CLVS1: variants seen among roughly 807,000 people sequenced by gnomAD.
The protein encoded by CLVS1 is clavesin-1.
In CLVS1, 10 loss-of-function variants were observed where a neutral mutation model predicts 33.1. The ratio of observed to expected loss-of-function variants is 0.30; its 90% confidence interval spans 0.19 to 0.51. The LOEUF (loss-of-function observed/expected upper bound fraction) is 0.51, where lower values mean the gene tolerates loss of function less well. Ranked by LOEUF, CLVS1 falls within the 20% of genes least tolerant of loss-of-function variation. The pLI is 0.97. For synonymous variants in CLVS1, 163 were observed against 166.1 expected (o/e 0.98, Z 0.14); for missense variants, 343 against 433.4 (o/e 0.79, Z 1.85).
At chr8:61,089,088 A>T (rs113405114) in intron 1 of CLVS1, among the ~76,000 whole-genome samples, 2 of 152,136 alleles carry the variant, frequency 1.3e-5, no homozygotes, top group African/African-American at 4.8e-5. Context: ...GGTGTGAGCC[A>T]CCGGGCCCGG....
chr8:60,978,442 TG>T, the CLVS1 span, among the ~76,000 whole-genome samples: 1 of 152,204 alleles, frequency 6.6e-6, no homozygotes, highest in African/African-American at 2.4e-5. Context: ...TGTATATTAT[TG>T]AAATTAAGTT....
chr8:61,054,823 G>A (rs568615879), upstream of CLVS1, among the ~76,000 whole-genome samples: 7 of 152,194 alleles, frequency 4.6e-5, no homozygotes, highest in African/African-American at 1.2e-4. Flanking sequence ...CCTGCACACC[G>A]ATAAGGATAA....
intron 3 of CLVS1, among the ~76,000 whole-genome samples, chr8:61,423,595 G>T: frequency 6.6e-6 from 1 of 152,196 alleles, no homozygotes; most frequent in East Asian, 1.9e-4. Context: ...GCCTGGTAAT[G>T]AAGAGCGCCC....
intron 2 of CLVS1, among the ~76,000 whole-genome samples, chr8:61,184,961 A>C (rs77161781): frequency 0.077 from 11,682 of 152,154 alleles, 595 homozygotes; most frequent in African/African-American, 0.15. Context: ...TACTACCTAC[A>C]ATATTTTCGT....
intron 2 of CLVS1, among the ~76,000 whole-genome samples, chr8:61,326,451 G>A (rs879477909): frequency 2.6e-5 from 4 of 152,170 alleles, no homozygotes; most frequent in Non-Finnish European, 4.4e-5. Flanking sequence ...AGTGGCCACA[G>A]AGTTCCAAGA....
chr8:60,967,307 T>C, the CLVS1 span, among the ~76,000 whole-genome samples: 1 of 152,124 alleles, frequency 6.6e-6, no homozygotes. Flanking sequence ...CCAAACTGTG[T>C]AAGACATACA....
At chr8:61,234,259 G>C (rs11783318) in intron 2 of CLVS1, among the ~76,000 whole-genome samples, 1 of 152,090 alleles carries the variant, frequency 6.6e-6, no homozygotes, top group Non-Finnish European at 1.5e-5. Context: ...GACTGTGTGC[G>C]TGCGTATTCA....
At chr8:61,314,589 T>G (rs1041554401) in intron 2 of CLVS1, among the ~76,000 whole-genome samples, 1 of 152,208 alleles carries the variant, frequency 6.6e-6, no homozygotes, top group Admixed American at 6.5e-5. Flanking sequence ...CTCTCTTCCC[T>G]TGTTGAATTA....
chr8:61,478,157 T>C (rs1382477980), intron 5 of CLVS1, among the ~76,000 whole-genome samples: 1 of 152,216 alleles, frequency 6.6e-6, no homozygotes, highest in Non-Finnish European at 1.5e-5. Flanking sequence ...TGAGTTCTAG[T>C]TTGATTGCAC....
intron 1 of CLVS1, among the ~76,000 whole-genome samples, chr8:61,125,650 G>A (rs1437641762): frequency 6.6e-6 from 1 of 152,164 alleles, no homozygotes; most frequent in African/African-American, 2.4e-5. Flanking sequence ...TTCAACTATT[G>A]TTTAAATTCA....
chr8:61,362,775 C>A (rs1296108267), intron 2 of CLVS1, among the ~76,000 whole-genome samples: 1 of 152,166 alleles, frequency 6.6e-6, no homozygotes, highest in African/African-American at 2.4e-5. Flanking sequence ...CTGGAAGAAC[C>A]AGCCTCCATC....
chr8:61,166,983 TA>T lies in CLVS1; in HGVS notation c.-152+35124del, dbSNP rs374092724. Among the ~76,000 whole-genome samples the T allele has an allele frequency of 3.4e-4, 51 of 150,912 alleles. 2 individuals are homozygous for T. In the East Asian group the frequency reaches 7.5e-3, roughly 22 times the overall value. On this transcript the variant is annotated intron_variant, in intron 2 of 2. Transcript: ENST00000522621. ...ACACCATTTTTTAAATTAATAAATT[TA>T]TTAATTTATTTTAATTTAATCAATA...
chr8:60,978,569 C>T, the CLVS1 span, among the ~76,000 whole-genome samples: 1 of 152,000 alleles, frequency 6.6e-6, no homozygotes, highest in Non-Finnish European at 1.5e-5. Context: ...AATCCCAGCA[C>T]TTTGGAAGGC....
intron 2 of CLVS1, among the ~76,000 whole-genome samples, chr8:61,361,581 A>T (rs1297833777): frequency 6.6e-6 from 1 of 152,178 alleles, no homozygotes; most frequent in Non-Finnish European, 1.5e-5. Context: ...AGTCTTCCCC[A>T]TAGCCCATCT....
chr8:61,032,996 A>AAGGAAGGAAG, the CLVS1 span, among the ~76,000 whole-genome samples: 5 of 51,510 alleles, frequency 9.7e-5, no homozygotes, highest in East Asian at 2.9e-3. Flanking sequence ...AAGGAAGGAA[A>AAGGAAGGAAG]GAAAGAAAGA....
the CLVS1 span, among the ~76,000 whole-genome samples, chr8:60,995,146 A>G: frequency 5.3e-5 from 8 of 152,232 alleles, no homozygotes; most frequent in African/African-American, 1.9e-4. Context: ...GCAACAAAAG[A>G]CAAAATTGAC....
At chr8:61,172,152 T>C (rs532563489) in intron 2 of CLVS1, among the ~76,000 whole-genome samples, 1 of 152,322 alleles carries the variant, frequency 6.6e-6, no homozygotes, top group African/African-American at 2.4e-5. Context: ...TATATTGTTG[T>C]TTCGTTAACC....
chr8:61,367,144 G>A (rs1428333347), intron 2 of CLVS1, among the ~76,000 whole-genome samples: 1 of 151,972 alleles, frequency 6.6e-6, no homozygotes, highest in African/African-American at 2.4e-5. Context: ...TCCCTTTAAT[G>A]GAGCTGCTCG....
At chr8:61,170,713 A>G (rs897663426) in intron 2 of CLVS1, among the ~76,000 whole-genome samples, 1 of 152,226 alleles carries the variant, frequency 6.6e-6, no homozygotes, top group Non-Finnish European at 1.5e-5. Context: ...TGAGAACCTC[A>G]TGGCATAATC....
Sources: allele counts gnomAD v4.1 joint callset (sites outside exome capture counted in the v4.1 genomes callset), GRCh38; gene constraint gnomAD v4.1.1; transcripts MANE v1.5; gene names NCBI Gene and HGNC (gene_info 2026-07-23, HGNC 2026-07-21).